Variants in ARHGAP42 observed in about 807,000 individuals in gnomAD.
ARHGAP42 encodes the protein Rho GTPase activating protein 42.
In ARHGAP42, 63 loss-of-function variants were observed where a neutral mutation model predicts 125.0. That is an observed-to-expected ratio of 0.50 (90% confidence interval 0.41 to 0.62). The LOEUF is 0.62. Ranked by LOEUF, ARHGAP42 falls within the 20% of genes least tolerant of loss-of-function variation. ARHGAP42 has a pLI of 0.00. For synonymous variants in ARHGAP42, 339 were observed against 351.0 expected, an observed-to-expected ratio of 0.97 and a Z score of 0.38; for missense variants, 766 against 1,024.2, an observed-to-expected ratio of 0.75 and a Z score of 3.44.
chr11:100,756,471 C>T (rs1862580318), intron 1 of ARHGAP42, among the ~76,000 whole-genome samples: 1 of 151,980 alleles, frequency 6.6e-6, no homozygotes, highest in African/African-American at 2.4e-5. Flanking sequence ...AATGACAGCA[C>T]CTAAAATTTG....
rs755361933 is a variant in ARHGAP42, at chr11:100,976,825, C to T, written c.2247C>T (p.Ser749=). ...GGGCTTTCTTTTTAGGAAACAAGAGCTACAGTGGATCTATTCAAAGCTTAA... is the reference window on the plus strand; with the variant it reads ...GGGCTTTCTTTTTAGGAAACAAGAGTTACAGTGGATCTATTCAAAGCTTAA... ...RSISAAEGNK[S]YSGSIQSLTS... The change falls in exon 21 of 24, where the codon AGC becomes AGT. Residue 749 remains serine, a synonymous_variant. Coordinates refer to ENST00000298815, the MANE Select transcript of ARHGAP42 (RefSeq NM_152432.4). The T allele has an allele frequency of 1.4e-5, 21 of 1,550,196 alleles. No individual in the cohort carries two copies. The highest frequency in any genetic ancestry group is 3.9e-5 in the Admixed American group (2 of 50,942).
intron 3 of ARHGAP42, among the ~76,000 whole-genome samples, chr11:100,835,402 C>A (rs1279859629): frequency 6.6e-6 from 1 of 152,132 alleles, no homozygotes; most frequent in Non-Finnish European, 1.5e-5. Context: ...GTGTCCTTGA[C>A]TTTGTACCTT....
At chr11:100,772,436 TGTTA>T (rs368187059) in intron 2 of ARHGAP42, among the ~76,000 whole-genome samples, 3 of 152,158 alleles carry the variant, frequency 2.0e-5, no homozygotes, top group Non-Finnish European at 2.9e-5. Flanking sequence ...TTTTTAGAAG[TGTTA>T]GTTAATTTGA....
Position 100,687,590 on chromosome 11 carries a change from G to T in ARHGAP42, c.-89G>T. The T allele has an allele frequency of 1.1e-5, 12 of 1,085,664 alleles. No homozygotes were observed. Among genetic ancestry groups the T allele is most frequent in the South Asian group, 9.1e-5 (2 of 21,960 alleles). The allele number at this position is 1,085,664 out of a possible 1,614,324, so 67.3% of individuals were successfully genotyped here. On this transcript the variant is annotated 5_prime_UTR_variant, in exon 1 of 24. Transcript: ENST00000298815. ...CCCGGCGCCTTCCCCGCGATCGCGC[G>T]ACCCCAGCGCCCGCCGCGGCCGCCG...
chr11:100,796,853 T>A (rs1863729701), intron 3 of ARHGAP42, among the ~76,000 whole-genome samples: 1 of 145,984 alleles, frequency 6.9e-6, no homozygotes, highest in Non-Finnish European at 1.5e-5. Flanking sequence ...CACTGCAACC[T>A]CTGCCTCCTG....
chr11:100,739,936 A>T (rs1862148391), intron 1 of ARHGAP42, among the ~76,000 whole-genome samples: 1 of 152,186 alleles, frequency 6.6e-6, no homozygotes, highest in South Asian at 2.1e-4. Context: ...CTAGTGGCAA[A>T]GGCTTTTACC....
chr11:100,949,408 A>G (rs1868113650), intron 11 of ARHGAP42, among the ~76,000 whole-genome samples: 1 of 152,096 alleles, frequency 6.6e-6, no homozygotes, highest in South Asian at 2.1e-4. Context: ...TTCTATTTCA[A>G]TTTTATTATA....
chr11:100,750,062 C>A (rs1235882856), intron 1 of ARHGAP42, among the ~76,000 whole-genome samples: 1 of 152,204 alleles, frequency 6.6e-6, no homozygotes, highest in Non-Finnish European at 1.5e-5. Context: ...GGGTGGGATG[C>A]CCCTTCTCAT....
chr11:100,691,928 A>T (rs1013241561), intron 1 of ARHGAP42, among the ~76,000 whole-genome samples: 4 of 143,518 alleles, frequency 2.8e-5, no homozygotes, highest in Non-Finnish European at 5.9e-5. Context: ...TCAAATATAT[A>T]TAACATCATG....
intron 1 of ARHGAP42, among the ~76,000 whole-genome samples, chr11:100,721,967 G>A (rs1322440927): frequency 1.3e-5 from 2 of 152,182 alleles, no homozygotes; most frequent in Non-Finnish European, 2.9e-5. Context: ...GTACTGAGGA[G>A]TATGGTTGCT....
In ARHGAP42 at chr11:100,936,266, G is replaced by C. The variant is rs1189845195; in HGVS notation, c.766G>C (p.Ala256Pro). 1 of 1,551,670 alleles carries C rather than the reference G, an allele frequency of 6.4e-7. No homozygotes were observed. Among genetic ancestry groups the C allele is most frequent in the East Asian group, 2.4e-5 (1 of 40,912 alleles). The change falls in exon 8 of 24, where the codon GCT (alanine) becomes CCT (proline). Residue 256 changes from alanine to proline, a missense_variant. Ala to Pro is a conservative substitution (Grantham distance 27). Around this residue, in one of 3 missense-constraint regions of ARHGAP42, gnomAD observed 455 missense variants for 636.5 expected, o/e 0.71. Transcript: ENST00000298815. ...VERLMQRMKSANQDYRPPSQW... is the reference protein window; with the variant it reads ...VERLMQRMKSPNQDYRPPSQW... The stretch of plus-strand genomic sequence containing the variant: ...GCGGTTGATGCAAAGGATGAAATCT[G>C]CTAACCAGGACTACAGACCACCCAG...
intron 12 of ARHGAP42, among the ~76,000 whole-genome samples, chr11:100,954,861 A>T (rs1032152497): frequency 6.6e-6 from 1 of 152,140 alleles, no homozygotes; most frequent in Non-Finnish European, 1.5e-5. Context: ...GTACTAATTT[A>T]TTTTTTATTT....
chr11:100,754,465 T>G (rs1447324549), intron 1 of ARHGAP42, among the ~76,000 whole-genome samples: 1 of 152,262 alleles, frequency 6.6e-6, no homozygotes, highest in Non-Finnish European at 1.5e-5. Context: ...CTCCTAATTA[T>G]CTTCTTTCTC....
chr11:100,930,688 T>A lies in ARHGAP42; in HGVS notation c.598-2468T>A, dbSNP rs564076780. Among the ~76,000 whole-genome samples the A allele has an allele frequency of 2.0e-5, 3 of 152,304 alleles. No homozygotes were observed. In the South Asian group the frequency reaches 6.2e-4, roughly 32 times the overall value. On this transcript the variant is annotated intron_variant, in intron 6 of 23. Coordinates refer to ENST00000298815, the MANE Select transcript of ARHGAP42 (RefSeq NM_152432.4). ...GATGAAGGTACCAGGATCTTATTTTTTAGAACATGATTAAGAATTTAAAAG... is the reference window on the plus strand; with the variant it reads ...GATGAAGGTACCAGGATCTTATTTTATAGAACATGATTAAGAATTTAAAAG...
At chr11:100,743,472 G>A (rs1030706260) in intron 1 of ARHGAP42, among the ~76,000 whole-genome samples, 1 of 152,108 alleles carries the variant, frequency 6.6e-6, no homozygotes, top group South Asian at 2.1e-4. Flanking sequence ...GTTACCGGGT[G>A]CTTTTATCTC....
At chr11:100,888,714 TA>T (rs1866153581) in intron 4 of ARHGAP42, among the ~76,000 whole-genome samples, 2 of 152,204 alleles carry the variant, frequency 1.3e-5, no homozygotes, top group African/African-American at 4.8e-5. Context: ...AAGAGGGATT[TA>T]ATATGGTTCT....
intron 10 of ARHGAP42, 119 bp from the exon 11 acceptor site, chr11:100,948,338 C>T: frequency 2.0e-5 from 14 of 710,674 alleles, no homozygotes; most frequent in South Asian, 8.6e-5. Context: ...ATGTTTTTCT[C>T]CTCTGTCTTC....
intron 1 of ARHGAP42, among the ~76,000 whole-genome samples, chr11:100,711,256 T>A (rs1040237092): frequency 6.6e-6 from 1 of 152,332 alleles, no homozygotes; most frequent in Non-Finnish European, 1.5e-5. Flanking sequence ...CATATTCTCT[T>A]ATCAATCTTT....
At position 100,948,665 on chromosome 11, in the gene ARHGAP42, G is replaced by C. The variant is rs1868089340; in HGVS notation, c.1122+130G>C. On this transcript the variant is annotated intron_variant, in intron 11 of 23. Coordinates refer to ENST00000298815, the MANE Select transcript of ARHGAP42 (RefSeq NM_152432.4). ...AAAATATTAAAAAAGGAAATCAGGGGAGTAGAGACTTTTATGGTTTCCTAG... is the reference window on the plus strand; with the variant it reads ...AAAATATTAAAAAAGGAAATCAGGGCAGTAGAGACTTTTATGGTTTCCTAG... 4.7e-6 allele frequency: 3 copies of C among 633,912 alleles called. No homozygotes were observed. The East Asian group carries it at 8.8e-5, about 19-fold the overall frequency. The allele number at this position is 633,912 out of a possible 1,614,324, so 39.3% of individuals were successfully genotyped here. A position where few individuals can be genotyped will look rare whatever the true frequency, so the allele number is the denominator to read the frequency against.
Sources: gnomAD v4.1 joint callset for allele counts (sites outside exome capture counted in the v4.1 genomes callset) on GRCh38, gnomAD v4.1.1 for gene constraint, gnomAD v4.1.1 regional missense constraint, MANE v1.5 for transcripts, NCBI Gene and HGNC (gene_info 2026-07-23, HGNC 2026-07-21) for gene names.